Variants in GABRG3 observed in about 807,000 individuals in gnomAD.
The protein encoded by GABRG3 is gamma-aminobutyric acid receptor subunit gamma-3.
Under a neutral mutation model 48.8 loss-of-function variants are expected in GABRG3, and 25 were observed. That is an observed-to-expected ratio of 0.51 (90% confidence interval 0.37 to 0.72). The LOEUF (loss-of-function observed/expected upper bound fraction) is 0.72, where lower values mean the gene tolerates loss of function less well. Among genes scored for constraint, GABRG3 ranks in the 30% least tolerant of loss-of-function variants. GABRG3 has a pLI of 0.00. For missense variants in GABRG3, 394 were observed against 577.9 expected, an observed-to-expected ratio of 0.68 and a Z score of 3.26; for synonymous variants, 227 against 217.6, an observed-to-expected ratio of 1.04 and a Z score of -0.38.
At chr15:26,993,725 A>G (rs1404292858) in intron 2 of GABRG3, among the ~76,000 whole-genome samples, 1 of 151,950 alleles carries the variant, frequency 6.6e-6, no homozygotes, top group East Asian at 1.9e-4. Context: ...CATTTGTTCT[A>G]TAGTGCAGAT....
chr15:27,251,021 G>C (rs1230785522), intron 3 of GABRG3, among the ~76,000 whole-genome samples: 1 of 152,148 alleles, frequency 6.6e-6, no homozygotes, highest in East Asian at 1.9e-4. Context: ...AGGTCGCAGA[G>C]AACACACCAC....
At chr15:27,161,091 C>T (rs1278353539) in intron 3 of GABRG3, 1 of 152,112 alleles carries the variant, frequency 6.6e-6, no homozygotes. Flanking sequence ...CTCTGTGGCT[C>T]GGGAATCTTG....
intron 3 of GABRG3, among the ~76,000 whole-genome samples, chr15:27,069,481 C>T (rs1466393436): frequency 1.3e-5 from 2 of 152,214 alleles, no homozygotes; most frequent in African/African-American, 4.8e-5. Flanking sequence ...TAACTGTACA[C>T]TGTCAGAGAG....
chr15:27,309,626 A>G (rs1566776295), intron 3 of GABRG3, among the ~76,000 whole-genome samples: 1 of 152,080 alleles, frequency 6.6e-6, no homozygotes, highest in Non-Finnish European at 1.5e-5. Flanking sequence ...TGATAGTGCT[A>G]AACACCTATT....
intron 3 of GABRG3, among the ~76,000 whole-genome samples, chr15:27,080,526 C>T (rs1259417153): frequency 2.6e-5 from 4 of 152,108 alleles, no homozygotes; most frequent in Admixed American, 2.6e-4. Flanking sequence ...CACATGTATT[C>T]CGAGCTATTC....
At chr15:27,478,255 A>G (rs1282223820) in intron 5 of GABRG3, among the ~76,000 whole-genome samples, 2 of 152,186 alleles carry the variant, frequency 1.3e-5, no homozygotes, top group South Asian at 2.1e-4. Flanking sequence ...TTTAAAACAT[A>G]TATCTGATAA....
Position 26,977,160 on chromosome 15 carries a change from GT to G in GABRG3, c.202+16del, listed in dbSNP as rs768355616. 1.2e-6 allele frequency: 2 copies of G among 1,603,894 alleles called. No homozygotes were observed. The highest frequency in any genetic ancestry group is 1.7e-6 in the Non-Finnish European group (2 of 1,175,360). Reference sequence around the variant, plus strand: ...AGGCCAGATATTGGAAGTGAGTGTTGTTTTTTGTTATTCTAATAGAAAAATA... The same window carrying G: ...AGGCCAGATATTGGAAGTGAGTGTTGTTTTTGTTATTCTAATAGAAAAATA... On this transcript the variant is annotated intron_variant, in intron 2 of 9. Transcript: ENST00000615808.
intron 3 of GABRG3, among the ~76,000 whole-genome samples, chr15:27,099,271 G>C (rs1371515398): frequency 2.0e-5 from 3 of 152,120 alleles, no homozygotes; most frequent in Non-Finnish European, 4.4e-5. Flanking sequence ...AAGTTGTTGC[G>C]TTACTTGCTT....
chr15:27,108,473 T>A (rs759686298), intron 3 of GABRG3, among the ~76,000 whole-genome samples: 47 of 152,216 alleles, frequency 3.1e-4, no homozygotes, highest in Non-Finnish European at 5.7e-4. Flanking sequence ...GCATGGTCTA[T>A]TAAGATATAC....
chr15:27,056,683 C>T (rs572435975), intron 3 of GABRG3, among the ~76,000 whole-genome samples: 40 of 152,062 alleles, frequency 2.6e-4, no homozygotes, highest in Non-Finnish European at 4.4e-4. Context: ...CACAAGACCC[C>T]CCACGGTGGC....
In GABRG3 at chr15:27,412,398, T is replaced by A. The variant is rs146139483; in HGVS notation, c.575-68252T>A. Among the ~76,000 whole-genome samples, 3 of 152,318 alleles carry A rather than the reference T, an allele frequency of 2.0e-5. No individual in the cohort carries two copies. The East Asian group carries it at 5.8e-4, about 29-fold the overall frequency. On this transcript the variant is annotated intron_variant, in intron 5 of 9. Coordinates refer to ENST00000615808, the MANE Select transcript of GABRG3 (RefSeq NM_033223.5). ...CTAATTTGTTCTCTGTTTCTATAAT[T>A]TTGGCATTTCAACCATATATAAATG...
chr15:27,032,508 A>G (rs1220612094), intron 3 of GABRG3, among the ~76,000 whole-genome samples: 2 of 152,198 alleles, frequency 1.3e-5, no homozygotes, highest in Non-Finnish European at 2.9e-5. Flanking sequence ...TGAGAGCCTC[A>G]GGAAGCTTCC....
At chr15:27,521,671 G>T (rs540098818) in intron 7 of GABRG3, among the ~76,000 whole-genome samples, 1 of 151,982 alleles carries the variant, frequency 6.6e-6, no homozygotes, top group Non-Finnish European at 1.5e-5. Context: ...ATCACAGAAA[G>T]TATATAAAAA....
chr15:27,332,259 C>T (rs1893826114), intron 5 of GABRG3, among the ~76,000 whole-genome samples: 1 of 152,178 alleles, frequency 6.6e-6, no homozygotes, highest in Admixed American at 6.5e-5. Context: ...CTCATGCCTG[C>T]AATCCCAGAA....
At chr15:26,982,215 G>T (rs565054487) in intron 2 of GABRG3, among the ~76,000 whole-genome samples, 2 of 152,204 alleles carry the variant, frequency 1.3e-5, no homozygotes, top group Non-Finnish European at 2.9e-5. Context: ...TTTAGAATAT[G>T]TTACTAATTT....
chr15:27,283,430 G>T (rs778704137), intron 3 of GABRG3, among the ~76,000 whole-genome samples: 50 of 152,030 alleles, frequency 3.3e-4, no homozygotes, highest in Non-Finnish European at 5.9e-4. Context: ...ATGGTGAAAC[G>T]CCATCTCTAC....
At chr15:27,160,750 C>G (rs1466956803) in intron 3 of GABRG3, among the ~76,000 whole-genome samples, 1 of 151,668 alleles carries the variant, frequency 6.6e-6, no homozygotes, top group African/African-American at 2.4e-5. Flanking sequence ...TGGAGTACAT[C>G]ATTCATGATA....
chr15:27,316,957 ACTGT>A (rs1335741076), intron 3 of GABRG3, among the ~76,000 whole-genome samples: 1 of 152,216 alleles, frequency 6.6e-6, no homozygotes, highest in Non-Finnish European at 1.5e-5. Context: ...GTCACGAAGT[ACTGT>A]CTATTGTTTA....
At chr15:27,035,471 A>T (rs928339190) in intron 3 of GABRG3, among the ~76,000 whole-genome samples, 1 of 152,070 alleles carries the variant, frequency 6.6e-6, no homozygotes, top group Non-Finnish European at 1.5e-5. Flanking sequence ...GATATTTCAC[A>T]ATTGATTTTC....
Sources: allele counts gnomAD v4.1 joint callset (sites outside exome capture counted in the v4.1 genomes callset), GRCh38; gene constraint gnomAD v4.1.1; transcripts MANE v1.5; gene names NCBI Gene and HGNC (gene_info 2026-07-23, HGNC 2026-07-21).